CMSS1: variants seen among roughly 807,000 people sequenced by gnomAD.
The protein encoded by CMSS1 is protein CMSS1.
A neutral mutation model predicts 43.5 loss-of-function variants in CMSS1; 33 were observed. The observed-to-expected ratio is 0.76, with a 90% confidence interval of 0.57 to 1.01. The LOEUF (loss-of-function observed/expected upper bound fraction) is 1.01. Among genes scored for constraint, CMSS1 ranks in the 50% least tolerant of loss-of-function variants. CMSS1 has a pLI of 0.00. For missense variants in CMSS1, 313 were observed against 326.4 expected (o/e 0.96, Z 0.32); for synonymous variants, 115 against 117.2 (o/e 0.98, Z 0.12).
At chr3:100,163,817 A>G (rs2067045380) in intron 4 of CMSS1, among the ~76,000 whole-genome samples, 1 of 152,230 alleles carries the variant, frequency 6.6e-6, no homozygotes, top group Non-Finnish European at 1.5e-5. Flanking sequence ...TTTGGGTACA[A>G]CTGCTTCAGA....
chr3:100,058,762 T>C (rs1038110632), intron 1 of CMSS1, among the ~76,000 whole-genome samples: 1 of 152,238 alleles, frequency 6.6e-6, no homozygotes, highest in Admixed American at 6.5e-5. Flanking sequence ...GAGGACGCTG[T>C]ATAACCTCCT....
intron 1 of CMSS1, among the ~76,000 whole-genome samples, chr3:99,919,910 C>T (rs1471014839): frequency 6.6e-6 from 1 of 152,188 alleles, no homozygotes. Context: ...GCCCTAAGGC[C>T]TCTGCACCAC....
intron 1 of CMSS1, among the ~76,000 whole-genome samples, chr3:100,042,691 T>C (rs888023822): frequency 2.0e-5 from 3 of 152,178 alleles, no homozygotes; most frequent in African/African-American, 7.2e-5. Context: ...GAGGGAGGAA[T>C]AGAGAACAGG....
At chr3:99,890,435 C>T (rs1706046922) in intron 1 of CMSS1, among the ~76,000 whole-genome samples, 1 of 152,080 alleles carries the variant, frequency 6.6e-6, no homozygotes, top group Non-Finnish European at 1.5e-5. Flanking sequence ...ATTAACATTT[C>T]AAATATGGCT....
At position 99,819,927 on chromosome 3, in the gene CMSS1, G is replaced by A. The variant is rs187370975; in HGVS notation, c.64+1884G>A. Among the ~76,000 whole-genome samples, 693 of 151,752 alleles carry A rather than the reference G, an allele frequency of 4.6e-3. 2 individuals carry two copies. The highest frequency in any genetic ancestry group is 6.9e-3 in the South Asian group (33 of 4,806). Reference sequence around the variant, plus strand: ...CCGCCACCACACCCAGCTAATTTTTGTATTTTTAGTAGAGACGGGGTTTCA... The same window carrying A: ...CCGCCACCACACCCAGCTAATTTTTATATTTTTAGTAGAGACGGGGTTTCA... On this transcript the variant is annotated intron_variant, in intron 1 of 9. Coordinates refer to ENST00000421999, the MANE Select transcript of CMSS1 (RefSeq NM_032359.4).
At chr3:100,161,451 C>T (rs1455401461) in intron 3 of CMSS1, among the ~76,000 whole-genome samples, 3 of 151,906 alleles carry the variant, frequency 2.0e-5, no homozygotes, top group Non-Finnish European at 4.4e-5. Flanking sequence ...TGACTGAGGT[C>T]ACACTAAAAT....
chr3:99,861,055 T>A (rs1225570497), intron 1 of CMSS1, among the ~76,000 whole-genome samples: 1 of 152,174 alleles, frequency 6.6e-6, no homozygotes, highest in East Asian at 1.9e-4. Context: ...TTTCTCACTT[T>A]TCTTTTTGTT....
intron 1 of CMSS1, among the ~76,000 whole-genome samples, chr3:100,083,591 A>G (rs776099344): frequency 2.6e-5 from 4 of 152,248 alleles, no homozygotes; most frequent in Non-Finnish European, 5.9e-5. Context: ...CAAGAAACAA[A>G]TATTAGTTGC....
chr3:100,075,082 T>C (rs1212286423), intron 1 of CMSS1, among the ~76,000 whole-genome samples: 1 of 152,208 alleles, frequency 6.6e-6, no homozygotes, highest in Non-Finnish European at 1.5e-5. Flanking sequence ...ATATATTTTA[T>C]TGGTCTATGT....
At chr3:100,041,607 A>T (rs2065206088) in intron 1 of CMSS1, among the ~76,000 whole-genome samples, 1 of 152,212 alleles carries the variant, frequency 6.6e-6, no homozygotes, top group Admixed American at 6.5e-5. Flanking sequence ...AAAAATAAAA[A>T]TTACAGGAAA....
chr3:99,958,976 A>G (rs912038942), intron 1 of CMSS1, among the ~76,000 whole-genome samples: 2 of 152,208 alleles, frequency 1.3e-5, no homozygotes, highest in African/African-American at 4.8e-5. Flanking sequence ...GTGTGTAAAA[A>G]CAGCAAATTA....
chr3:99,933,457 C>G (rs1372472067), intron 1 of CMSS1, among the ~76,000 whole-genome samples: 1 of 151,974 alleles, frequency 6.6e-6, no homozygotes, highest in Non-Finnish European at 1.5e-5. Context: ...GTGTGTATAT[C>G]TATTTATTTA....
At chr3:99,857,800 T>A (rs793445) in intron 1 of CMSS1, among the ~76,000 whole-genome samples, 111,817 of 152,100 alleles carry the variant, frequency 0.74, 41,800 homozygotes, top group African/African-American at 0.88. Flanking sequence ...CTCATCTGTC[T>A]CTTTAAGGAA....
intron 2 of CMSS1, among the ~76,000 whole-genome samples, chr3:100,151,592 T>G (rs1046969840): frequency 2.0e-5 from 3 of 152,182 alleles, no homozygotes; most frequent in Admixed American, 1.3e-4. Context: ...CTTTTTATAG[T>G]TTATTCTCAG....
In CMSS1 at chr3:99,983,422, A is replaced by ATATATATATATATATATATATG. The variant is rs1559713456; in HGVS notation, c.65-163550_65-163549insATATATATATATATATATATGT. Among the ~76,000 whole-genome samples the ATATATATATATATATATATATG allele has an allele frequency of 4.6e-5, 4 of 86,930 alleles. 1 individual carries two copies. The highest frequency in any genetic ancestry group is 8.7e-5 in the Non-Finnish European group (4 of 46,060). 57.0% of individuals were successfully genotyped at this position (86,930 alleles called of 152,430 possible). A position where few individuals can be genotyped will look rare whatever the true frequency, so the allele number is the denominator to read the frequency against. On this transcript the variant is annotated intron_variant, in intron 1 of 9. Coordinates refer to ENST00000421999, the MANE Select transcript of CMSS1 (RefSeq NM_032359.4). The stretch of plus-strand genomic sequence containing the variant: ...TATATATATATATATATATATATGT[A>ATATATATATATATATATATATG]TGTATGTATGTATATATATGTATGT...
intron 1 of CMSS1, chr3:100,025,391 T>G (rs181794753): frequency 6.6e-6 from 1 of 152,328 alleles, no homozygotes; most frequent in East Asian, 1.9e-4. Flanking sequence ...GAAGATTTTT[T>G]TTAAATCACT....
chr3:100,019,292 T>C (rs2064761866), intron 1 of CMSS1, among the ~76,000 whole-genome samples: 1 of 152,110 alleles, frequency 6.6e-6, no homozygotes, highest in African/African-American at 2.4e-5. Flanking sequence ...CCCAGGAGAC[T>C]GAGGCTGCAG....
intron 1 of CMSS1, chr3:99,876,106 G>C: frequency 7.1e-6 from 7 of 986,576 alleles, no homozygotes; most frequent in Non-Finnish European, 8.4e-6. Context: ...GCGGGGGCCG[G>C]GCCGGGGCCG....
chr3:99,833,300 A>C (rs751154655), intron 1 of CMSS1: 2 of 1,548,536 alleles, frequency 1.3e-6, no homozygotes, highest in South Asian at 1.1e-5. Flanking sequence ...AATTTGTGGA[A>C]TATATTAAAT....
Sources: allele counts gnomAD v4.1 joint callset (sites outside exome capture counted in the v4.1 genomes callset), GRCh38; gene constraint gnomAD v4.1.1; transcripts MANE v1.5; gene names NCBI Gene and HGNC (gene_info 2026-07-23, HGNC 2026-07-21).